VEPH1: variants seen among roughly 807,000 people sequenced by gnomAD.
VEPH1 encodes the protein ventricular zone-expressed PH domain-containing protein homolog 1.
VEPH1 carries 80 observed loss-of-function variants against 85.2 expected under a neutral mutation model. The observed-to-expected ratio is 0.94, with a 90% confidence interval of 0.78 to 1.13. The LOEUF is 1.13. Ranked by LOEUF, VEPH1 falls within the 50% of genes most tolerant of loss-of-function variation. VEPH1 has a pLI of 0.00. For synonymous variants in VEPH1, 297 were observed against 348.0 expected, an observed-to-expected ratio of 0.85 and a Z score of 1.63; for missense variants, 955 against 980.5, an observed-to-expected ratio of 0.97 and a Z score of 0.35.
chr3:157,459,251 C>T (rs775298909), intron 4 of VEPH1, among the ~76,000 whole-genome samples: 6 of 152,158 alleles, frequency 3.9e-5, no homozygotes, highest in Non-Finnish European at 5.9e-5. Flanking sequence ...CTGCTGGGCT[C>T]GCATGGTGGA....
intron 2 of VEPH1, among the ~76,000 whole-genome samples, chr3:157,490,401 T>G (rs548075037): frequency 5.0e-4 from 76 of 151,814 alleles, no homozygotes; most frequent in African/African-American, 1.7e-3. Flanking sequence ...AAAATAAGAT[T>G]TTAAGACTAC....
chr3:157,325,724 GC>G (rs1362214465), intron 9 of VEPH1, among the ~76,000 whole-genome samples: 1 of 152,166 alleles, frequency 6.6e-6, no homozygotes, highest in Non-Finnish European at 1.5e-5. Flanking sequence ...CAAGTACCAT[GC>G]TGTTTGGGTT....
intron 4 of VEPH1, among the ~76,000 whole-genome samples, chr3:157,438,219 C>T (rs957485340): frequency 1.3e-5 from 2 of 151,920 alleles, no homozygotes; most frequent in Admixed American, 6.6e-5. Flanking sequence ...CGTCTAGGGC[C>T]CCTTACACCC....
At chr3:157,494,096 AAAG>A (rs1470050782) in intron 2 of VEPH1, among the ~76,000 whole-genome samples, 1 of 152,176 alleles carries the variant, frequency 6.6e-6, no homozygotes, top group African/African-American at 2.4e-5. Context: ...TTACCTGAGA[AAAG>A]AAGAGTTTTT....
intron 9 of VEPH1, among the ~76,000 whole-genome samples, chr3:157,358,391 A>G (rs1336176876): frequency 6.6e-6 from 1 of 152,194 alleles, no homozygotes; most frequent in Non-Finnish European, 1.5e-5. Context: ...ACATTTTCCT[A>G]TTTGCTGTTT....
rs185911087 is a variant in VEPH1 at position 157,318,249 on chromosome 3, T to C, written c.1736-1048A>G. ...GGGATTTTTTTAATCTGTAGAGTCA[T>C]ACTGATAGTTAATGGGGTATTTTTT... On this transcript the variant is annotated intron_variant, in intron 9 of 13. Coordinates refer to ENST00000362010, the MANE Select transcript of VEPH1 (RefSeq NM_001167912.2). Among the ~76,000 whole-genome samples, 4 of 152,366 alleles carry C rather than the reference T, an allele frequency of 2.6e-5. No homozygotes were observed. In the East Asian group the frequency reaches 5.8e-4, roughly 22 times the overall value.
intron 9 of VEPH1, among the ~76,000 whole-genome samples, chr3:157,332,913 C>A (rs966298963): frequency 4.6e-5 from 7 of 152,158 alleles, no homozygotes; most frequent in Non-Finnish European, 1.0e-4. Context: ...TGAAGAGTGA[C>A]ATTTGCCATC....
chr3:157,327,920 T>C (rs1722100244), intron 9 of VEPH1, among the ~76,000 whole-genome samples: 1 of 152,176 alleles, frequency 6.6e-6, no homozygotes, highest in Non-Finnish European at 1.5e-5. Context: ...GAAGCCACTC[T>C]AAAGCCAACT....
chr3:157,313,066 G>A (rs957987253), intron 11 of VEPH1, among the ~76,000 whole-genome samples: 12 of 151,188 alleles, frequency 7.9e-5, no homozygotes, highest in African/African-American at 1.9e-4. Context: ...TACCACGCCC[G>A]GCTAATTTTT....
intron 11 of VEPH1, among the ~76,000 whole-genome samples, chr3:157,312,744 T>C (rs557643039): frequency 5.9e-5 from 9 of 152,280 alleles, no homozygotes; most frequent in Non-Finnish European, 1.0e-4. Flanking sequence ...AAGCCTTCTT[T>C]CTTAGTCACT....
chr3:157,461,404 G>A (rs1018770099), intron 3 of VEPH1, among the ~76,000 whole-genome samples: 7 of 152,116 alleles, frequency 4.6e-5, no homozygotes, highest in African/African-American at 1.7e-4. Context: ...GGGAGAAATA[G>A]CCCTGGACTC....
At chr3:157,348,525 T>A (rs1009277588) in intron 9 of VEPH1, among the ~76,000 whole-genome samples, 1 of 152,238 alleles carries the variant, frequency 6.6e-6, no homozygotes, top group Non-Finnish European at 1.5e-5. Context: ...ATTTTTTATA[T>A]ACTTGTTGGT....
At chr3:157,345,199 T>C (rs555780019) in intron 9 of VEPH1, among the ~76,000 whole-genome samples, 2 of 147,854 alleles carry the variant, frequency 1.4e-5, no homozygotes, top group South Asian at 4.3e-4. Context: ...AACTAAAGAG[T>C]TTCTGCACAG....
At chr3:157,495,113 C>T in intron 2 of VEPH1, 99 bp downstream of exon 2, 1 of 1,240,990 alleles carries the variant, frequency 8.1e-7, no homozygotes, top group Admixed American at 2.3e-5. Flanking sequence ...GTGGTATTTC[C>T]TCTTTCCCCT....
intron 6 of VEPH1, among the ~76,000 whole-genome samples, chr3:157,394,739 T>C (rs1346743735): frequency 6.6e-6 from 1 of 152,156 alleles, no homozygotes; most frequent in Non-Finnish European, 1.5e-5. Context: ...GAGAGCAGCA[T>C]ACCTCACTCT....
intron 2 of VEPH1, among the ~76,000 whole-genome samples, chr3:157,494,395 T>A (rs1328372579): frequency 6.6e-6 from 1 of 152,192 alleles, no homozygotes; most frequent in East Asian, 1.9e-4. Context: ...CTGGTGGCCC[T>A]AGGCCTTTGA....
At chr3:157,432,999 G>T (rs1016390401) in intron 4 of VEPH1, among the ~76,000 whole-genome samples, 1 of 152,116 alleles carries the variant, frequency 6.6e-6, no homozygotes, top group Admixed American at 6.5e-5. Context: ...TACTGTAAAT[G>T]AAAACTTTAT....
intron 5 of VEPH1, 150 bp downstream of exon 5, chr3:157,428,172 T>C: frequency 1.4e-6 from 1 of 731,942 alleles, no homozygotes; most frequent in Non-Finnish European, 2.0e-6. Flanking sequence ...TTTCTCATTA[T>C]ACAAACAGAG....
intron 9 of VEPH1, among the ~76,000 whole-genome samples, chr3:157,356,547 A>G (rs574853119): frequency 6.6e-5 from 10 of 152,306 alleles, no homozygotes; most frequent in Non-Finnish European, 1.3e-4. Flanking sequence ...TGTGGAGCAA[A>G]TAGGAGGAAA....
Sources: gnomAD v4.1 joint callset for allele counts (sites outside exome capture counted in the v4.1 genomes callset) on GRCh38, gnomAD v4.1.1 for gene constraint, MANE v1.5 for transcripts, NCBI Gene and HGNC (gene_info 2026-07-23, HGNC 2026-07-21) for gene names.